Variants in SNTG2 observed in about 807,000 individuals in gnomAD.
SNTG2 encodes the protein gamma-2-syntrophin.
In SNTG2, 74 loss-of-function variants were observed where a neutral mutation model predicts 70.9. The ratio of observed to expected loss-of-function variants is 1.04; its 90% CI spans 0.86 to 1.27. The LOEUF is 1.27. Among genes scored for constraint, SNTG2 ranks in the 50% most tolerant of loss-of-function variants. The probability of loss-of-function intolerance (pLI) is 0.00; values close to 1 mark genes in which losing one functional copy is unlikely to be tolerated. For missense variants in SNTG2, 717 were observed against 690.7 expected (o/e 1.04, Z -0.43); for synonymous variants, 278 against 273.8 (o/e 1.02, Z -0.15).
intron 4 of SNTG2, among the ~76,000 whole-genome samples, chr2:1,135,571 A>G (rs28373179): frequency 0.12 from 18,282 of 152,084 alleles, 1,152 homozygotes; most frequent in Admixed American, 0.15. Flanking sequence ...AATACAAAAA[A>G]ATTGGCAGGG....
chr2:1,047,306 G>C (rs980686747), intron 1 of SNTG2, among the ~76,000 whole-genome samples: 12 of 152,154 alleles, frequency 7.9e-5, no homozygotes, highest in African/African-American at 2.4e-4. Context: ...CCTGAATCCT[G>C]ATGATCTTCC....
At chr2:1,224,328 C>T (rs1207570877) in intron 9 of SNTG2, among the ~76,000 whole-genome samples, 2 of 152,216 alleles carry the variant, frequency 1.3e-5, no homozygotes, top group African/African-American at 4.8e-5. Flanking sequence ...CTATGGAAGT[C>T]ACACTCTTCA....
At chr2:962,386 G>T (rs11895897) in intron 1 of SNTG2, among the ~76,000 whole-genome samples, 94,849 of 151,942 alleles carry the variant, frequency 0.62, 30,608 homozygotes, top group Non-Finnish European at 0.68. Flanking sequence ...GATAAGTTTC[G>T]TACCATACAA....
At chr2:953,559 C>T (rs907350385) in intron 1 of SNTG2, among the ~76,000 whole-genome samples, 2 of 152,212 alleles carry the variant, frequency 1.3e-5, no homozygotes, top group African/African-American at 4.8e-5. Context: ...TAAGAAGGTT[C>T]CCCATTCCTT....
intron 16 of SNTG2, among the ~76,000 whole-genome samples, chr2:1,329,775 G>A (rs1659424895): frequency 6.6e-6 from 1 of 152,138 alleles, no homozygotes; most frequent in Non-Finnish European, 1.5e-5. Context: ...GGCCTTTGAC[G>A]CTTATTGACG....
chr2:1,134,823 G>A (rs1668265710), intron 4 of SNTG2, among the ~76,000 whole-genome samples: 1 of 152,154 alleles, frequency 6.6e-6, no homozygotes, highest in Non-Finnish European at 1.5e-5. Flanking sequence ...CCACAGAGTG[G>A]GGGAGGCTCA....
chr2:1,030,654 C>T (rs2148032821), intron 1 of SNTG2, among the ~76,000 whole-genome samples: 1 of 152,310 alleles, frequency 6.6e-6, no homozygotes, highest in East Asian at 1.9e-4. Context: ...CTGAGCACTG[C>T]TGTACACTCA....
At chr2:1,056,022 TCC>T (rs1558347826) in intron 1 of SNTG2, among the ~76,000 whole-genome samples, 4 of 151,832 alleles carry the variant, frequency 2.6e-5, no homozygotes, top group African/African-American at 9.7e-5. Flanking sequence ...CTCAGACGGC[TCC>T]TTGTCCCCAC....
chr2:1,134,979 C>A (rs1030750819), intron 4 of SNTG2, among the ~76,000 whole-genome samples: 1 of 152,186 alleles, frequency 6.6e-6, no homozygotes. Flanking sequence ...CTAAGCCCCT[C>A]ATTGAGACAG....
intron 8 of SNTG2, among the ~76,000 whole-genome samples, chr2:1,181,218 A>G (rs113659194): frequency 0.018 from 2,377 of 132,002 alleles, 32 homozygotes; most frequent in South Asian, 0.027. Flanking sequence ...AAAGTATAAT[A>G]ATAATAAAAT....
intron 4 of SNTG2, among the ~76,000 whole-genome samples, chr2:1,105,255 C>T (rs1309799794): frequency 1.3e-5 from 2 of 151,592 alleles, no homozygotes; most frequent in African/African-American, 2.4e-5. Flanking sequence ...TGCATTTTGT[C>T]ATTGCCAGCT....
At position 1,317,216 on chromosome 2, in the gene SNTG2, A is replaced by G. The variant is rs79458551; in HGVS notation, c.1488+841A>G. On this transcript the variant is annotated intron_variant, in intron 16 of 16. Transcript: ENST00000308624. ...CATTGGAGAAGGTTGGGATTCTGGA[A>G]CATTTAGCGTCCGGCCAGCATTGGA... Among the ~76,000 whole-genome samples the G allele has an allele frequency of 2.0e-3, 105 of 51,798 alleles. 1 individual carries two copies. Among genetic ancestry groups the G allele is most frequent in the East Asian group, 3.9e-3 (7 of 1,806 alleles). The allele number at this position is 51,798 out of a possible 152,430, so 34.0% of individuals were successfully genotyped here.
intron 14 of SNTG2, among the ~76,000 whole-genome samples, chr2:1,296,255 T>C (rs180960010): frequency 1.1e-3 from 167 of 152,352 alleles, no homozygotes; most frequent in Non-Finnish European, 2.0e-3. Flanking sequence ...CAAGCACAGC[T>C]GCTGACCAAC....
chr2:1,326,443 A>T (rs538966393), intron 16 of SNTG2, among the ~76,000 whole-genome samples: 1 of 152,218 alleles, frequency 6.6e-6, no homozygotes, highest in Non-Finnish European at 1.5e-5. Context: ...ACAGCAACAC[A>T]AGTCACTGAG....
At chr2:1,040,209 G>T (rs1431115322) in intron 1 of SNTG2, among the ~76,000 whole-genome samples, 1 of 152,126 alleles carries the variant, frequency 6.6e-6, no homozygotes, top group Non-Finnish European at 1.5e-5. Flanking sequence ...CTGCAGGCAG[G>T]ATAAATTCCT....
At chr2:1,159,176 T>A (rs959623980) in intron 6 of SNTG2, among the ~76,000 whole-genome samples, 5 of 151,070 alleles carry the variant, frequency 3.3e-5, no homozygotes, top group Non-Finnish European at 7.4e-5. Flanking sequence ...TGAGTGCGTA[T>A]GTGGAATTAC....
chr2:1,252,450 G>T (rs1677824806), intron 12 of SNTG2, among the ~76,000 whole-genome samples: 1 of 152,184 alleles, frequency 6.6e-6, no homozygotes, highest in African/African-American at 2.4e-5. Context: ...AGGATGATTA[G>T]TACATTATAA....
intron 1 of SNTG2, among the ~76,000 whole-genome samples, chr2:960,615 G>T (rs1157506602): frequency 2.0e-5 from 3 of 150,468 alleles, no homozygotes; most frequent in East Asian, 2.0e-4. Flanking sequence ...AGCACGGTGA[G>T]CTCTGAGGGT....
chr2:1,271,572 C>A (rs140035368), intron 14 of SNTG2, among the ~76,000 whole-genome samples: 95 of 152,184 alleles, frequency 6.2e-4, no homozygotes, highest in African/African-American at 2.3e-3. Context: ...ATAAACAATA[C>A]CTATTGTTGC....
Sources: allele counts gnomAD v4.1 joint callset (sites outside exome capture counted in the v4.1 genomes callset), GRCh38; gene constraint gnomAD v4.1.1; transcripts MANE v1.5; gene names NCBI Gene and HGNC (gene_info 2026-07-23, HGNC 2026-07-21).